The following N4BP2L2 variants were observed in gnomAD, a reference collection of about 807,000 sequenced individuals.
N4BP2L2 encodes the protein NEDD4-binding protein 2-like 2.
N4BP2L2 carries 50 observed loss-of-function variants against 56.2 expected under a neutral mutation model. That is an observed-to-expected ratio of 0.89 (90% CI 0.71 to 1.13). N4BP2L2 has a LOEUF of 1.13. N4BP2L2 is among the 50% of genes most tolerant of loss of function. The pLI is 0.00. For missense variants in N4BP2L2, 689 were observed against 693.8 expected (o/e 0.99, Z 0.08); for synonymous variants, 203 against 223.6 (o/e 0.91, Z 0.82).
chr13:32,449,888 T>C (rs1475966211), intron 6 of N4BP2L2, among the ~76,000 whole-genome samples: 2 of 152,214 alleles, frequency 1.3e-5, no homozygotes, highest in Non-Finnish European at 2.9e-5. Flanking sequence ...CTTAATGTAA[T>C]TGCAAATGAT....
intron 6 of N4BP2L2, chr13:32,478,238 G>A (rs2083767766): frequency 6.0e-5 from 21 of 348,136 alleles, no homozygotes; most frequent in South Asian, 5.3e-4. Flanking sequence ...CACTGCAGGT[G>A]TAATTTACGG....
chr13:32,484,023 G>A (rs1286842801), intron 6 of N4BP2L2, among the ~76,000 whole-genome samples: 2 of 150,860 alleles, frequency 1.3e-5, no homozygotes, highest in African/African-American at 2.4e-5. Flanking sequence ...AAAACCAGTC[G>A]GGGCCAGGCC....
Position 32,454,658 on chromosome 13 carries a change from G to GA in N4BP2L2, c.366-10533dup, listed in dbSNP as rs140364793. ...TGGATAAAGAACTAAAAACAAATAA[G>GA]AACAATGTCTCACCAAATAATTAAT... On this transcript the variant is annotated intron_variant, in intron 6 of 9. Coordinates refer to the N4BP2L2 transcript ENST00000357505. 2.1e-4 allele frequency among the ~76,000 whole-genome samples: 32 copies of GA among 152,212 alleles called. No individual in the cohort carries two copies. In the East Asian group the frequency reaches 6.0e-3, roughly 28 times the overall value.
intron 6 of N4BP2L2, among the ~76,000 whole-genome samples, chr13:32,450,665 C>A (rs1005002613): frequency 6.7e-6 from 1 of 149,850 alleles, no homozygotes. Context: ...GAATCTTGCT[C>A]TGTTACCCAG....
chr13:32,488,366 A>G (rs2086341173), intron 6 of N4BP2L2, among the ~76,000 whole-genome samples: 1 of 152,174 alleles, frequency 6.6e-6, no homozygotes, highest in Non-Finnish European at 1.5e-5. Context: ...CTGGGCACAC[A>G]TAGATATAAA....
At chr13:32,449,118 ACT>A (rs2077464010) in intron 6 of N4BP2L2, among the ~76,000 whole-genome samples, 1 of 152,198 alleles carries the variant, frequency 6.6e-6, no homozygotes, top group South Asian at 2.1e-4. Context: ...GATATTAATG[ACT>A]CACACTAAAT....
chr13:32,487,168 A>C (rs2086070498), intron 6 of N4BP2L2, among the ~76,000 whole-genome samples: 1 of 152,114 alleles, frequency 6.6e-6, no homozygotes, highest in Admixed American at 6.6e-5. Flanking sequence ...CACTAAAACA[A>C]TTTTAAAAAT....
At chr13:32,435,909 T>C (rs1189622519) in intron 9 of N4BP2L2, among the ~76,000 whole-genome samples, 3 of 152,066 alleles carry the variant, frequency 2.0e-5, no homozygotes, top group Non-Finnish European at 4.4e-5. Flanking sequence ...TGAAAAAAAA[T>C]GCAATGTGTT....
intron 4 of N4BP2L2, 37 bp downstream of exon 4, chr13:32,522,145 A>C: frequency 7.5e-7 from 1 of 1,340,768 alleles, no homozygotes; most frequent in South Asian, 1.3e-5. Context: ...AATTGACAAG[A>C]ATAAAAAATA....
intron 6 of N4BP2L2, among the ~76,000 whole-genome samples, chr13:32,500,972 G>A (rs965708594): frequency 6.0e-5 from 9 of 151,042 alleles, no homozygotes; most frequent in South Asian, 2.1e-4. Flanking sequence ...GGGTGCTAGC[G>A]GTTCTTCTGC....
At position 32,459,994 on chromosome 13, in the gene N4BP2L2, G is replaced by A. The variant is rs114867830; in HGVS notation, c.366-15868C>T. The stretch of plus-strand genomic sequence containing the variant: ...GGATTTATCTCAGGGATGCAAACAC[G>A]GTTCAACATACACAAATCAATAAAC... On this transcript the variant is annotated intron_variant, in intron 6 of 9. Transcript: ENST00000357505. 7.2e-3 allele frequency among the ~76,000 whole-genome samples: 1,094 copies of A among 152,178 alleles called. 17 individuals are homozygous for A. The highest frequency in any genetic ancestry group is 0.026 in the African/African-American group (1,061 of 41,520).
At chr13:32,537,251 T>A (rs529007877) in intron 1 of N4BP2L2, among the ~76,000 whole-genome samples, 3 of 151,622 alleles carry the variant, frequency 2.0e-5, no homozygotes, top group Non-Finnish European at 2.9e-5. Context: ...TTTTGAAAAA[T>A]ATATATATAT....
intron 1 of N4BP2L2, among the ~76,000 whole-genome samples, chr13:32,537,980 G>A (rs1163171809): frequency 6.6e-6 from 1 of 151,126 alleles, no homozygotes; most frequent in Non-Finnish European, 1.5e-5. Context: ...TGCGGTGGGA[G>A]GATCGCTTGA....
intron 2 of N4BP2L2, among the ~76,000 whole-genome samples, chr13:32,528,456 C>G (rs957734686): frequency 6.6e-6 from 1 of 152,120 alleles, no homozygotes; most frequent in Non-Finnish European, 1.5e-5. Flanking sequence ...CAGTTCAGGT[C>G]AATGATAATC....
chr13:32,433,716 G>A (rs1416798096), intron 9 of N4BP2L2, among the ~76,000 whole-genome samples: 1 of 151,600 alleles, frequency 6.6e-6, no homozygotes, highest in Non-Finnish European at 1.5e-5. Context: ...CACGAGGTTA[G>A]GAGTTTCAGA....
At chr13:32,464,909 A>G (rs1194075753) in intron 6 of N4BP2L2, among the ~76,000 whole-genome samples, 1 of 152,230 alleles carries the variant, frequency 6.6e-6, no homozygotes, top group African/African-American at 2.4e-5. Context: ...CATGTCTGCC[A>G]GATTAACAAA....
chr13:32,459,731 A>G (rs1276638279), intron 6 of N4BP2L2, among the ~76,000 whole-genome samples: 3 of 152,112 alleles, frequency 2.0e-5, no homozygotes, highest in Non-Finnish European at 4.4e-5. Flanking sequence ...TGATCAGAAC[A>G]TACTACCCAA....
intron 6 of N4BP2L2, among the ~76,000 whole-genome samples, chr13:32,504,092 A>T (rs948222120): frequency 7.9e-5 from 12 of 152,220 alleles, no homozygotes; most frequent in Non-Finnish European, 1.5e-4. Context: ...TTTTCGAAAC[A>T]ACATATAACA....
exon 6 of N4BP2L2, chr13:32,514,243 A>C (rs1011549367): frequency 1.3e-5 from 2 of 152,208 alleles, no homozygotes; most frequent in Admixed American, 1.3e-4. Context: ...CTGGTTAAAA[A>C]GCAGTATCAA....
Sources: gnomAD v4.1 joint callset for allele counts (sites outside exome capture counted in the v4.1 genomes callset) on GRCh38, gnomAD v4.1.1 for gene constraint, MANE v1.5 for transcripts, NCBI Gene and HGNC (gene_info 2026-07-23, HGNC 2026-07-21) for gene names.